APOBEC3G: variants seen among roughly 807,000 people sequenced by gnomAD.
APOBEC3G encodes apolipoprotein B mRNA editing enzyme catalytic subunit 3G, also known as DNA dC->dU-editing enzyme APOBEC-3G.
A neutral mutation model predicts 50.0 loss-of-function variants in APOBEC3G; 44 were observed. The observed-to-expected ratio is 0.88, with a 90% CI of 0.69 to 1.13. APOBEC3G has a LOEUF of 1.13. Ranked by LOEUF, APOBEC3G falls within the 50% of genes most tolerant of loss-of-function variation. APOBEC3G has a pLI of 0.00. For synonymous variants in APOBEC3G, 156 were observed against 175.3 expected, an observed-to-expected ratio of 0.89 and a Z score of 0.87; for missense variants, 469 against 492.0, an observed-to-expected ratio of 0.95 and a Z score of 0.44.
In APOBEC3G at chr22:39,083,730, G is replaced by C. The variant is rs1009815921; in HGVS notation, c.582-1G>C. On this transcript the variant is annotated splice_acceptor_variant, in intron 4 of 7. Coordinates refer to ENST00000407997, the MANE Select transcript of APOBEC3G (RefSeq NM_021822.4). LOFTEE classifies it high-confidence loss of function. ...CTCTGGGCTTTTCCCCCACTTTCCAGACACTCGATGGATCCACCCACATTC... is the reference window on the plus strand; with the variant it reads ...CTCTGGGCTTTTCCCCCACTTTCCACACACTCGATGGATCCACCCACATTC... The C allele has an allele frequency of 6.2e-7, 1 of 1,613,686 alleles. No individual in the cohort carries two copies. The highest frequency in any genetic ancestry group is 2.2e-5 in the East Asian group (1 of 44,878).
At chr22:39,081,323 C>T (rs1928443039) in intron 3 of APOBEC3G, 96 bp downstream of exon 3, 3 of 1,552,612 alleles carry the variant, frequency 1.9e-6, no homozygotes, top group African/African-American at 2.7e-5. Flanking sequence ...CTGATGCCTG[C>T]AAAGGCCAAG....
chr22:39,080,854 C>A, intron 2 of APOBEC3G, 79 bp from the exon 3 acceptor site: 1 of 1,154,634 alleles, frequency 8.7e-7, no homozygotes, highest in Non-Finnish European at 1.2e-6. Context: ...CCTGTCCTGG[C>A]CCCTCCTCCC....
intron 5 of APOBEC3G, among the ~76,000 whole-genome samples, chr22:39,085,166 C>A (rs1928638846): frequency 6.6e-6 from 1 of 152,336 alleles, no homozygotes; most frequent in African/African-American, 2.4e-5. Context: ...AAAACACCAT[C>A]ATTCCTTGGG....
chr22:39,087,321 T>C, intron 7 of APOBEC3G, 86 bp from the exon 8 acceptor site: 1 of 1,605,194 alleles, frequency 6.2e-7, no homozygotes, highest in African/African-American at 1.3e-5. Context: ...TCCTCTCCGA[T>C]CATTGTCACT....
chr22:39,077,356 C>A lies in APOBEC3G; in HGVS notation c.-6C>A, dbSNP rs1448657861. ...AAAGATCTTAGTCGGGACTAGCCGG[C>A]CAAGGATGAAGCCTCACTTCAGGTA... On this transcript the variant is annotated 5_prime_UTR_variant, in exon 1 of 8. Transcript: ENST00000407997. The A allele has an allele frequency of 1.3e-6, 2 of 1,578,954 alleles. No homozygotes were observed. The highest frequency in any genetic ancestry group is 1.7e-6 in the Non-Finnish European group (2 of 1,162,020).
At chr22:39,077,247 A>T, upstream of APOBEC3G, 1 of 1,540,394 alleles carries the variant, frequency 6.5e-7, no homozygotes. Context: ...GGCCATGACT[A>T]CGAGGCCCTG....
chr22:39,077,889 A>G (rs1341831743), intron 1 of APOBEC3G, among the ~76,000 whole-genome samples: 1 of 152,222 alleles, frequency 6.6e-6, no homozygotes, highest in Non-Finnish European at 1.5e-5. Context: ...CTGTGGGCAG[A>G]GGAGGATGCA....
Position 39,080,519 on chromosome 22 carries a change from G to A in APOBEC3G, c.172-414G>A, listed in dbSNP as rs549035696. ...GTGAAGGTTGTTGCCAGAAGCTCAG[G>A]GGATGCTCCAGACAGAGTGGCCTGG... is the stretch of plus-strand genomic sequence containing the variant. On this transcript the variant is annotated intron_variant, in intron 2 of 7. Coordinates refer to ENST00000407997, the MANE Select transcript of APOBEC3G (RefSeq NM_021822.4). 1.8e-4 allele frequency: 33 copies of A among 181,752 alleles called. 1 individual carries two copies. In the South Asian group the frequency reaches 4.3e-3, roughly 23 times the overall value. 11.3% of individuals were successfully genotyped at this position (181,752 alleles called of 1,614,324 possible).
intron 2 of APOBEC3G, chr22:39,080,249 G>A (rs181312979): frequency 1.4e-5 from 11 of 777,882 alleles, no homozygotes; most frequent in African/African-American, 3.7e-5. Context: ...AGGATGTCTG[G>A]TGAATGGATG....
At chr22:39,081,703 C>T (rs922512959) in intron 4 of APOBEC3G, 118 bp downstream of exon 4, 105 of 760,286 alleles carry the variant, frequency 1.4e-4, no homozygotes, top group Middle Eastern at 3.1e-4. Context: ...TGCCTTCCCT[C>T]CTGCCCCCTG....
At chr22:39,079,218 T>C in intron 2 of APOBEC3G, 133 bp downstream of exon 2, 2 of 1,301,242 alleles carry the variant, frequency 1.5e-6, no homozygotes, top group Non-Finnish European at 2.1e-6. Flanking sequence ...TCCAAGTCCG[T>C]GGCCCTGACC....
intron 5 of APOBEC3G, among the ~76,000 whole-genome samples, chr22:39,085,991 G>A (rs1029217994): frequency 4.0e-5 from 6 of 151,828 alleles, no homozygotes; most frequent in African/African-American, 1.5e-4. Context: ...CCTGATCCAG[G>A]CTGTCCCTCC....
chr22:39,077,331 A>G lies in APOBEC3G; in HGVS notation c.-31A>G, dbSNP rs1569081352. 1 of 1,567,896 alleles carries G rather than the reference A, an allele frequency of 6.4e-7. No homozygotes were observed. The highest frequency in any genetic ancestry group is 2.3e-5 in the East Asian group (1 of 42,896). ...AAAGTGAAACCCTGGTGCTCCAGAC[A>G]AAGATCTTAGTCGGGACTAGCCGGC... On this transcript the variant is annotated 5_prime_UTR_variant, in exon 1 of 8. Transcript: ENST00000407997.
Position 39,080,149 on chromosome 22 carries a change from G to A in APOBEC3G, c.172-784G>A, listed in dbSNP as rs754841471. ...GTCCCTTGGCCATGTCACCCCCCCC[G>A]ACATGGACAGTGCAGGTCCAGTGGG... is the stretch of plus-strand genomic sequence containing the variant. On this transcript the variant is annotated intron_variant, in intron 2 of 7. Transcript: ENST00000407997. The A allele has an allele frequency of 2.8e-5, 14 of 495,936 alleles. No individual in the cohort carries two copies. In the East Asian group the frequency reaches 4.4e-4, roughly 16 times the overall value. 30.7% of individuals were successfully genotyped at this position (495,936 alleles called of 1,614,324 possible).
intron 7 of APOBEC3G, 127 bp downstream of exon 7, chr22:39,087,253 T>C (rs1488349676): frequency 1.3e-5 from 21 of 1,598,752 alleles, no homozygotes; most frequent in Non-Finnish European, 1.7e-5. Flanking sequence ...CACCTGTCTC[T>C]GTCCCTCCCT....
chr22:39,079,038 A>G lies in APOBEC3G; in HGVS notation c.124A>G (p.Lys42Glu). 6.2e-7 allele frequency: 1 copy of G among 1,614,198 alleles called. No individual in the cohort carries two copies. Among genetic ancestry groups the G allele is most frequent in the Non-Finnish European group, 8.5e-7 (1 of 1,180,024 alleles). Reference sequence around the variant, plus strand: ...CTGGCTGTGCTACGAAGTGAAAACAAAGGGTCCCTCAAGGCCCCCTTTGGA... The same window carrying G: ...CTGGCTGTGCTACGAAGTGAAAACAGAGGGTCCCTCAAGGCCCCCTTTGGA... ...TVWLCYEVKT[K>E]GPSRPPLDAK... Residue 42 changes from lysine to glutamate, a missense_variant, in exon 2 of 8, where the codon AAG (lysine) becomes GAG (glutamate). Coordinates refer to ENST00000407997, the MANE Select transcript of APOBEC3G (RefSeq NM_021822.4).
At position 39,083,989 on chromosome 22, in the gene APOBEC3G, T is replaced by G. The variant is rs1928590730; in HGVS notation, c.735+105T>G. 2.5e-5 allele frequency: 34 copies of G among 1,370,940 alleles called. No individual in the cohort carries two copies. In the East Asian group the frequency reaches 8.4e-4, roughly 34 times the overall value. The allele number at this position is 1,370,940 out of a possible 1,614,324, so 84.9% of individuals were successfully genotyped here. A position where few individuals can be genotyped will look rare whatever the true frequency, so the allele number is the denominator to read the frequency against. On this transcript the variant is annotated intron_variant, in intron 5 of 7. Transcript: ENST00000407997. ...CCTGTGGTGTCCTGCAGAGTGTCTG[T>G]CACCTGTGCTTCCTGTAGCTGCTGC...
At chr22:39,084,693 A>G (rs570400349) in intron 5 of APOBEC3G, among the ~76,000 whole-genome samples, 3 of 152,020 alleles carry the variant, frequency 2.0e-5, no homozygotes, top group African/African-American at 7.2e-5. Context: ...CTGCGGGAAA[A>G]GAGACTGAGG....
chr22:39,080,879 G>GCAAAA, intron 2 of APOBEC3G, 54 bp from the exon 3 acceptor site: 1 of 1,399,486 alleles, frequency 7.1e-7, no homozygotes, highest in Non-Finnish European at 9.7e-7. Flanking sequence ...CCCCACCCCT[G>GCAAAA]CTCTCCTCCT....
Sources: gnomAD v4.1 joint callset for allele counts (sites outside exome capture counted in the v4.1 genomes callset) on GRCh38, gnomAD v4.1.1 for gene constraint, MANE v1.5 for transcripts, NCBI Gene and HGNC (gene_info 2026-07-23, HGNC 2026-07-21) for gene names.